The following CNNM2 variants were observed in gnomAD, a reference collection of about 807,000 sequenced individuals.
CNNM2 encodes metal transporter CNNM2.
A neutral mutation model predicts 66.9 loss-of-function variants in CNNM2; 12 were observed. That is an observed-to-expected ratio of 0.18 (90% CI 0.11 to 0.29). CNNM2 has a LOEUF of 0.29. Ranked by LOEUF, CNNM2 falls within the 10% of genes least tolerant of loss-of-function variation. The probability of loss-of-function intolerance (pLI) is 1.00; values close to 1 mark genes in which losing one functional copy is unlikely to be tolerated. For synonymous variants in CNNM2, 557 were observed against 501.8 expected (o/e 1.11, Z -1.47); for missense variants, 705 against 1,167.7 (o/e 0.60, Z 5.77).
At chr10:102,975,420 G>A (rs920561592) in intron 1 of CNNM2, among the ~76,000 whole-genome samples, 17 of 138,274 alleles carry the variant, frequency 1.2e-4, no homozygotes, top group African/African-American at 4.3e-4. Flanking sequence ...ACTGGATGGT[G>A]AATTTGCTCT....
chr10:103,068,814 AC>A, intron 5 of CNNM2, 92 bp downstream of exon 5: 1 of 991,614 alleles, frequency 1.0e-6, no homozygotes, highest in Non-Finnish European at 1.5e-6. Context: ...CTGCCAGCTG[AC>A]CCCATTCACT....
At position 102,918,541 on chromosome 10, in the gene CNNM2, G is replaced by T; in HGVS notation, c.61G>T (p.Ala21Ser). 1 of 1,601,550 alleles carries T rather than the reference G, an allele frequency of 6.2e-7. No individual in the cohort carries two copies. The part of the protein sequence containing the change: ...VKMAGGQAAA[A>S]LPTWKMAARR... ...GATGGCGGGCGGGCAGGCAGCCGCC[G>T]CACTGCCCACTTGGAAGATGGCGGC... is the stretch of plus-strand genomic sequence containing the variant. Residue 21 changes from alanine (A) to serine (S), a missense_variant, in exon 1 of 8, where the codon GCA becomes TCA. By Grantham distance (99) the Ala-to-Ser change is moderately conservative. Around this residue, in one of 9 missense-constraint regions of CNNM2, gnomAD observed 98 missense variants for 73.6 expected, o/e 1.33. Transcript: ENST00000369878. This position sits in a 1 kb window ranked among gnomAD's most constrained non-coding sequence, Gnocchi z 4.1.
chr10:103,089,098 A>T lies in CNNM2; in HGVS notation c.*11918A>T, dbSNP rs12573200. On this transcript the variant is annotated 3_prime_UTR_variant, in exon 8 of 8. Transcript: ENST00000369878. ...CCCTAAAGCAACGCAAGTAGAGCAT[A>T]CTTCTGTGCAAAGCCAGTGATAGAG... is the stretch of plus-strand genomic sequence containing the variant. 0.023 allele frequency: 5,156 copies of T among 226,502 alleles called. 113 individuals carry two copies. The highest frequency in any genetic ancestry group is 0.11 in the South Asian group (612 of 5,484). 14.0% of individuals were successfully genotyped at this position (226,502 alleles called of 1,614,324 possible). A position where few individuals can be genotyped will look rare whatever the true frequency, so the allele number is the denominator to read the frequency against.
chr10:103,039,008 AAAG>A (rs1305266809), intron 1 of CNNM2, among the ~76,000 whole-genome samples: 3 of 152,064 alleles, frequency 2.0e-5, no homozygotes, highest in African/African-American at 4.8e-5. Flanking sequence ...CTTAAAAAAA[AAAG>A]AAGATACACA....
At chr10:102,968,193 A>G (rs1352917042) in intron 1 of CNNM2, among the ~76,000 whole-genome samples, 2 of 152,174 alleles carry the variant, frequency 1.3e-5, no homozygotes, top group South Asian at 4.1e-4. Context: ...ACAACCAGCA[A>G]TGTCTGAGGG....
chr10:102,962,408 G>A (rs756698847), intron 1 of CNNM2, among the ~76,000 whole-genome samples: 1 of 152,126 alleles, frequency 6.6e-6, no homozygotes, highest in Non-Finnish European at 1.5e-5. Flanking sequence ...CACTGTGAGT[G>A]GGAATTGACA....
intron 1 of CNNM2, among the ~76,000 whole-genome samples, chr10:102,955,442 A>T (rs140926334): frequency 6.6e-6 from 1 of 152,242 alleles, no homozygotes; most frequent in Non-Finnish European, 1.5e-5. Flanking sequence ...CCTACGCAGT[A>T]CCATTCAGGA....
chr10:102,960,431 A>G (rs999472145), intron 1 of CNNM2, among the ~76,000 whole-genome samples: 1 of 152,238 alleles, frequency 6.6e-6, no homozygotes, highest in Non-Finnish European at 1.5e-5. Flanking sequence ...ATTAAAAGTA[A>G]TGCCATCTGT....
At chr10:102,990,869 T>A (rs927613479) in intron 1 of CNNM2, among the ~76,000 whole-genome samples, 12 of 152,200 alleles carry the variant, frequency 7.9e-5, no homozygotes, top group Non-Finnish European at 2.9e-5. Flanking sequence ...TACCTTCTGA[T>A]TTCTTTTACC....
chr10:103,040,002 A>G (rs2065010618), intron 1 of CNNM2, among the ~76,000 whole-genome samples: 1 of 152,110 alleles, frequency 6.6e-6, no homozygotes, highest in Non-Finnish European at 1.5e-5. Context: ...CCCTGTCTCT[A>G]CTAAAAATAC....
intron 1 of CNNM2, among the ~76,000 whole-genome samples, chr10:102,955,469 A>C (rs1846999468): frequency 6.6e-6 from 1 of 152,192 alleles, no homozygotes; most frequent in African/African-American, 2.4e-5. Flanking sequence ...CATGGGCAAG[A>C]ACTTCATGAC....
At chr10:102,960,897 G>GTTT (rs202024113) in intron 1 of CNNM2, among the ~76,000 whole-genome samples, 15 of 138,836 alleles carry the variant, frequency 1.1e-4, no homozygotes, top group South Asian at 2.3e-4. Context: ...GTGATTCTCT[G>GTTT]TTTTTTTTTT....
intron 1 of CNNM2, among the ~76,000 whole-genome samples, chr10:102,922,642 T>C (rs1378550134): frequency 6.6e-6 from 1 of 152,170 alleles, no homozygotes; most frequent in East Asian, 1.9e-4. Context: ...CCAGATCTCA[T>C]TGAAAATTAT....
intron 1 of CNNM2, among the ~76,000 whole-genome samples, chr10:102,930,236 G>A (rs1846019272): frequency 6.6e-6 from 1 of 152,092 alleles, no homozygotes; most frequent in Admixed American, 6.5e-5. Flanking sequence ...TAGCAATATG[G>A]GAAAATTTGC....
At chr10:102,925,827 A>T (rs1011495599) in intron 1 of CNNM2, among the ~76,000 whole-genome samples, 2 of 151,952 alleles carry the variant, frequency 1.3e-5, no homozygotes, top group Non-Finnish European at 2.9e-5. Flanking sequence ...ATTTAATTTT[A>T]TGTTTTATTT....
intron 4 of CNNM2, among the ~76,000 whole-genome samples, chr10:103,060,128 A>G (rs1208451353): frequency 3.3e-5 from 5 of 151,560 alleles, no homozygotes; most frequent in Admixed American, 6.6e-5. Flanking sequence ...CAGAGTGAGC[A>G]TGTCTCAATA....
intron 1 of CNNM2, among the ~76,000 whole-genome samples, chr10:102,987,268 A>G (rs1474155226): frequency 6.6e-6 from 1 of 152,202 alleles, no homozygotes. Context: ...CTTGGGATGC[A>G]GTAGGACTTA....
intron 6 of CNNM2, among the ~76,000 whole-genome samples, chr10:103,072,415 A>ACCACCAGGCAGGCGACCCCG (rs2065601162): frequency 1.3e-5 from 2 of 149,218 alleles, no homozygotes; most frequent in Non-Finnish European, 3.0e-5. Flanking sequence ...AGGCGGCCCT[A>ACCACCAGGCAGGCGACCCCG]CTTCTCCCCA....
intron 4 of CNNM2, among the ~76,000 whole-genome samples, chr10:103,065,809 A>G (rs2065467437): frequency 6.6e-6 from 1 of 152,182 alleles, no homozygotes; most frequent in Non-Finnish European, 1.5e-5. Flanking sequence ...TCAGGAAGAG[A>G]TGGACACGGA....
Sources: allele counts gnomAD v4.1 joint callset (sites outside exome capture counted in the v4.1 genomes callset), GRCh38; gene constraint gnomAD v4.1.1; regional missense constraint gnomAD v4.1.1; non-coding constraint Gnocchi (gnomAD v3.1); transcripts MANE v1.5; gene names NCBI Gene and HGNC (gene_info 2026-07-23, HGNC 2026-07-21).